The following KDM8 variants were observed in gnomAD, a reference collection of about 807,000 sequenced individuals.
KDM8 encodes bifunctional peptidase and arginyl-hydroxylase JMJD5.
Under a neutral mutation model 46.9 loss-of-function variants are expected in KDM8, and 35 were observed. That is an observed-to-expected ratio of 0.75 (90% CI 0.57 to 0.99). The LOEUF (loss-of-function observed/expected upper bound fraction) is 0.99. Among genes scored for constraint, KDM8 ranks in the 50% least tolerant of loss-of-function variants. KDM8 has a pLI of 0.00. For missense variants in KDM8, 475 were observed against 537.0 expected (o/e 0.88, Z 1.14); for synonymous variants, 232 against 227.7 (o/e 1.02, Z -0.17).
chr16:27,214,826 T>G (rs1482094824), intron 3 of KDM8, 50 bp from the exon 4 acceptor site: 26 of 1,608,852 alleles, frequency 1.6e-5, no homozygotes, highest in African/African-American at 2.7e-5. Context: ...CTTAGTACTA[T>G]GCCCAACAGA....
At chr16:27,206,974 C>T (rs938053319) in intron 1 of KDM8, among the ~76,000 whole-genome samples, 3 of 152,234 alleles carry the variant, frequency 2.0e-5, no homozygotes, top group African/African-American at 7.2e-5. Context: ...AGGCTGCTCC[C>T]AGCGGGGTAG....
chr16:27,212,453 G>A (rs913868747), intron 2 of KDM8, among the ~76,000 whole-genome samples: 8 of 152,172 alleles, frequency 5.3e-5, no homozygotes, highest in African/African-American at 1.2e-4. Flanking sequence ...CTCTCTGCAG[G>A]CCGGGCATGG....
At chr16:27,213,282 A>G in intron 2 of KDM8, 1 of 267,412 alleles carries the variant, frequency 3.7e-6, no homozygotes, top group Non-Finnish European at 7.2e-6. Context: ...AAAGAATAGG[A>G]ATGAGAAGAC....
chr16:27,217,289 C>A (rs551643100), intron 5 of KDM8, among the ~76,000 whole-genome samples: 2 of 152,346 alleles, frequency 1.3e-5, no homozygotes, highest in Non-Finnish European at 2.9e-5. Flanking sequence ...TTTTGGCCAT[C>A]AGTTTAAGCC....
intron 2 of KDM8, chr16:27,211,174 G>C (rs1172795344): frequency 2.2e-6 from 1 of 452,794 alleles, no homozygotes; most frequent in South Asian, 1.6e-5. Flanking sequence ...AGAGGCAGCA[G>C]AGAAACTTCG....
chr16:27,212,594 C>T (rs995687110), intron 2 of KDM8, among the ~76,000 whole-genome samples: 3 of 152,172 alleles, frequency 2.0e-5, no homozygotes, highest in Admixed American at 6.5e-5. Flanking sequence ...ATTTGCTGGG[C>T]GTCCTGGCAC....
At position 27,219,150 on chromosome 16, in the gene KDM8, C is replaced by G. The variant is rs186711169; in HGVS notation, c.993+40C>G. On this transcript the variant is annotated intron_variant, in intron 6 of 7. Coordinates refer to ENST00000286096, the MANE Select transcript of KDM8 (RefSeq NM_024773.3). ...TGGAATAGTGGCCTTCTAACTCCTC[C>G]TGGCCCAGACACCTGGCCGGCCACA... 179 of 1,553,124 alleles carry G rather than the reference C, an allele frequency of 1.2e-4. No homozygotes were observed. In the East Asian group the frequency reaches 3.7e-3, roughly 32 times the overall value.
At chr16:27,211,905 G>A (rs760019662) in intron 2 of KDM8, among the ~76,000 whole-genome samples, 3 of 152,118 alleles carry the variant, frequency 2.0e-5, no homozygotes, top group Non-Finnish European at 4.4e-5. Context: ...CTGGACCTCA[G>A]GTGATCCACC....
chr16:27,213,529 T>C, intron 2 of KDM8, 56 bp from the exon 3 acceptor site: 1 of 1,585,396 alleles, frequency 6.3e-7, no homozygotes, highest in African/African-American at 1.3e-5. Context: ...GTGGAATACC[T>C]CAAATGTCGA....
Position 27,214,904 on chromosome 16 carries a change from T to A in KDM8, c.694T>A (p.Cys232Ser). 6.2e-7 allele frequency: 1 copy of A among 1,614,206 alleles called. No individual in the cohort carries two copies. Among genetic ancestry groups the A allele is most frequent in the Non-Finnish European group, 8.5e-7 (1 of 1,180,026 alleles). Reference protein sequence around the residue: ...SLEYIQEIAGCRTVPVEVGSR... With the variant: ...SLEYIQEIAGSRTVPVEVGSR... ...GGAGTATATCCAGGAGATCGCTGGC[T>A]GCCGAACTGTCCCAGTGGAAGTTGG... The change falls in exon 4 of 8, where the codon TGC becomes AGC. Residue 232 changes from cysteine (C) to serine (S), a missense_variant. Coordinates refer to ENST00000286096, the MANE Select transcript of KDM8 (RefSeq NM_024773.3).
chr16:27,215,731 A>T (rs1372271480), intron 4 of KDM8, among the ~76,000 whole-genome samples: 1 of 152,140 alleles, frequency 6.6e-6, no homozygotes, highest in African/African-American at 2.4e-5. Context: ...AATCAGATGG[A>T]TGAGATCAGT....
rs1256813262 is a variant in KDM8, at chr16:27,220,794, G to A, written c.*64G>A. 1 of 1,567,870 alleles carries A rather than the reference G, an allele frequency of 6.4e-7. No individual in the cohort carries two copies. The highest frequency in any genetic ancestry group is 8.8e-7 in the Non-Finnish European group (1 of 1,138,128). The stretch of plus-strand genomic sequence containing the variant: ...ATTCATCTGTTCACTAATTTCCTGG[G>A]TCCTGGAATCTATAGAGACAAGCAG... On this transcript the variant is annotated 3_prime_UTR_variant, in exon 8 of 8. Coordinates refer to ENST00000286096, the MANE Select transcript of KDM8 (RefSeq NM_024773.3).
Position 27,213,660 on chromosome 16 carries a change from CT to C in KDM8, c.575del (p.Leu192ProfsTer15). On this transcript the variant is annotated frameshift_variant, in exon 3 of 8. Transcript: ENST00000286096. LOFTEE classifies it high-confidence loss of function. ...AGTCCCCCGGCTGCACCGTCCGTCC[CT>C]CCAGCATTTCAGGGAGCAGTTTTTG... Reference protein sequence around the residue: ...KTVPRLHRPSLQHFREQFLVP... With the variant: ...KTVPRLHRPSXQHFREQFLVP... 1 of 1,614,230 alleles carries C rather than the reference CT, an allele frequency of 6.2e-7. No homozygotes were observed. The highest frequency in any genetic ancestry group is 8.5e-7 in the Non-Finnish European group (1 of 1,180,046).
At chr16:27,211,350 C>A in intron 2 of KDM8, 2 of 377,348 alleles carry the variant, frequency 5.3e-6, no homozygotes, top group South Asian at 2.0e-5. Flanking sequence ...TGAGATACTA[C>A]AACTAGCTGA....
At chr16:27,218,938 C>T in intron 5 of KDM8, 23 bp from the exon 6 acceptor site, 1 of 1,613,832 alleles carries the variant, frequency 6.2e-7, no homozygotes, top group Non-Finnish European at 8.5e-7. Flanking sequence ...CCCCACATCT[C>T]ATGTCTGCTC....
intron 2 of KDM8, among the ~76,000 whole-genome samples, chr16:27,212,062 A>C (rs1417319624): frequency 6.6e-6 from 1 of 152,250 alleles, no homozygotes; most frequent in African/African-American, 2.4e-5. Context: ...ATTTTTCCAC[A>C]AATATGTCAG....
chr16:27,204,140 G>C, intron 1 of KDM8: 1 of 1,536,058 alleles, frequency 6.5e-7, no homozygotes, highest in Non-Finnish European at 8.8e-7. Context: ...AGGAGGGAAG[G>C]GGGTCTGAGG....
At chr16:27,216,717 G>T (rs530963776) in intron 5 of KDM8, among the ~76,000 whole-genome samples, 3 of 152,282 alleles carry the variant, frequency 2.0e-5, no homozygotes, top group African/African-American at 4.8e-5. Flanking sequence ...ATTAAAGGAC[G>T]CTGGCGGTTT....
chr16:27,215,535 C>A (rs2083540993), intron 4 of KDM8, among the ~76,000 whole-genome samples: 1 of 152,166 alleles, frequency 6.6e-6, no homozygotes, highest in Non-Finnish European at 1.5e-5. Flanking sequence ...GAGCCAAGAT[C>A]AGGCCACTGC....
Sources: allele counts gnomAD v4.1 joint callset (sites outside exome capture counted in the v4.1 genomes callset), GRCh38; gene constraint gnomAD v4.1.1; transcripts MANE v1.5; gene names NCBI Gene and HGNC (gene_info 2026-07-23, HGNC 2026-07-21).